DLG2: variants seen among roughly 807,000 people sequenced by gnomAD.
The protein encoded by DLG2 is disks large homolog 2.
Under a neutral mutation model 132.5 loss-of-function variants are expected in DLG2, and 45 were observed. That is an observed-to-expected ratio of 0.34 (90% CI 0.27 to 0.44). The LOEUF (loss-of-function observed/expected upper bound fraction) is 0.44. DLG2 is among the 20% of genes least tolerant of loss of function. DLG2 has a pLI of 1.00. For synonymous variants in DLG2, 424 were observed against 419.6 expected, an observed-to-expected ratio of 1.01 and a Z score of -0.13; for missense variants, 1,045 against 1,196.9, an observed-to-expected ratio of 0.87 and a Z score of 1.87.
At chr11:85,073,001 G>A (rs928134855) in intron 6 of DLG2, among the ~76,000 whole-genome samples, 1 of 151,786 alleles carries the variant, frequency 6.6e-6, no homozygotes, top group African/African-American at 2.4e-5. Flanking sequence ...GAGCTTTTAT[G>A]TGGAATGACA....
chr11:83,520,316 C>A (rs899960551), intron 21 of DLG2, among the ~76,000 whole-genome samples: 26 of 152,270 alleles, frequency 1.7e-4, no homozygotes, highest in African/African-American at 5.8e-4. Flanking sequence ...ATGGAAACTG[C>A]ATTACGGTTA....
At chr11:83,654,603 T>C (rs754074364) in intron 18 of DLG2, among the ~76,000 whole-genome samples, 4 of 152,168 alleles carry the variant, frequency 2.6e-5, no homozygotes, top group Non-Finnish European at 4.4e-5. Context: ...TTTTGATGTA[T>C]TTTGGTTCTA....
intron 3 of DLG2, among the ~76,000 whole-genome samples, chr11:85,310,293 T>C (rs866284365): frequency 6.6e-6 from 1 of 152,136 alleles, no homozygotes; most frequent in Non-Finnish European, 1.5e-5. Context: ...GTGGACAAAA[T>C]ATTGGTCAGG....
chr11:84,704,874 CAT>C (rs1185944403), intron 6 of DLG2, among the ~76,000 whole-genome samples: 4 of 148,924 alleles, frequency 2.7e-5, no homozygotes. Context: ...CACACACACA[CAT>C]ATATATACAC....
intron 19 of DLG2, among the ~76,000 whole-genome samples, chr11:83,620,917 T>C (rs75884129): frequency 0.036 from 5,261 of 145,770 alleles, 348 homozygotes; most frequent in African/African-American, 0.13. Flanking sequence ...GATCTTAGAA[T>C]GATTTAGATC....
chr11:84,947,146 T>A (rs932981260), intron 6 of DLG2, among the ~76,000 whole-genome samples: 11 of 152,176 alleles, frequency 7.2e-5, no homozygotes, highest in African/African-American at 2.4e-4. Context: ...GCTTCCTTCT[T>A]TAGTGTCTCC....
intron 3 of DLG2, among the ~76,000 whole-genome samples, chr11:85,491,516 A>G (rs533468926): frequency 1.2e-4 from 19 of 152,172 alleles, no homozygotes; most frequent in Non-Finnish European, 2.4e-4. Flanking sequence ...AAATAAAAAC[A>G]CTAACCACAT....
At chr11:85,340,054 G>A (rs1477700862) in intron 3 of DLG2, among the ~76,000 whole-genome samples, 2 of 152,298 alleles carry the variant, frequency 1.3e-5, no homozygotes, top group East Asian at 1.9e-4. Flanking sequence ...GTGTAAATTG[G>A]TTCAACCATT....
chr11:85,486,376 G>A (rs2093429394), intron 3 of DLG2, among the ~76,000 whole-genome samples: 1 of 152,184 alleles, frequency 6.6e-6, no homozygotes, highest in Non-Finnish European at 1.5e-5. Context: ...AAAGCCCACA[G>A]GGAACATTCC....
At chr11:84,752,545 C>T (rs2066272126) in intron 6 of DLG2, among the ~76,000 whole-genome samples, 1 of 148,674 alleles carries the variant, frequency 6.7e-6, no homozygotes, top group Admixed American at 6.7e-5. Context: ...AACATGGCTG[C>T]TTCTTTGGTT....
chr11:84,681,862 C>A lies in DLG2; in HGVS notation c.358-147131G>T, dbSNP rs549745988. On this transcript the variant is annotated intron_variant, in intron 6 of 27. Transcript: ENST00000376104. ...AAACAAACCCTCTTTTCTTTGCTGA[C>A]TTTTAGGCCTGACTTTGATGCAGAA... Among the ~76,000 whole-genome samples the A allele has an allele frequency of 1.4e-4, 21 of 151,502 alleles. 1 individual carries two copies. Among genetic ancestry groups the A allele is most frequent in the Admixed American group, 1.1e-3 (16 of 15,208 alleles).
chr11:84,464,251 G>A (rs115562433), intron 7 of DLG2, among the ~76,000 whole-genome samples: 5 of 151,072 alleles, frequency 3.3e-5, no homozygotes, highest in Non-Finnish European at 3.0e-5. Flanking sequence ...TATCAACAGA[G>A]AATAATATGT....
chr11:84,898,968 G>A (rs2090546503), intron 6 of DLG2, among the ~76,000 whole-genome samples: 1 of 152,012 alleles, frequency 6.6e-6, no homozygotes, highest in Non-Finnish European at 1.5e-5. Context: ...CTTGAAAGGT[G>A]AGATTGAATT....
intron 4 of DLG2, among the ~76,000 whole-genome samples, chr11:85,175,908 G>T (rs756847008): frequency 2.0e-5 from 3 of 152,162 alleles, no homozygotes; most frequent in Non-Finnish European, 4.4e-5. Flanking sequence ...GCTAACAAAT[G>T]AAGTGAAGAG....
At chr11:85,133,312 T>C (rs1456307790) in intron 5 of DLG2, among the ~76,000 whole-genome samples, 2 of 151,690 alleles carry the variant, frequency 1.3e-5, no homozygotes, top group African/African-American at 4.9e-5. Context: ...CAAATGGCTG[T>C]CGTTCCAGTG....
intron 6 of DLG2, among the ~76,000 whole-genome samples, chr11:84,875,219 A>G (rs1402449255): frequency 6.6e-6 from 1 of 152,170 alleles, no homozygotes; most frequent in Non-Finnish European, 1.5e-5. Flanking sequence ...CATTGGTTTA[A>G]TACTTTTGTA....
chr11:84,719,770 G>A (rs948261035), intron 6 of DLG2, among the ~76,000 whole-genome samples: 1 of 152,106 alleles, frequency 6.6e-6, no homozygotes, highest in Non-Finnish European at 1.5e-5. Flanking sequence ...TGTATAAAAG[G>A]GAAAAGCATG....
intron 6 of DLG2, among the ~76,000 whole-genome samples, chr11:84,779,084 A>C (rs2071219108): frequency 6.6e-6 from 1 of 152,110 alleles, no homozygotes; most frequent in African/African-American, 2.4e-5. Flanking sequence ...CTGAGCCACT[A>C]CTGGCTTCCT....
At chr11:85,272,695 G>T (rs992891814) in intron 4 of DLG2, among the ~76,000 whole-genome samples, 12 of 152,116 alleles carry the variant, frequency 7.9e-5, no homozygotes, top group Admixed American at 3.3e-4. Flanking sequence ...GTTATTTATA[G>T]ATTCAATGCC....
Sources: gnomAD v4.1 joint callset for allele counts (sites outside exome capture counted in the v4.1 genomes callset) on GRCh38, gnomAD v4.1.1 for gene constraint, MANE v1.5 for transcripts, NCBI Gene and HGNC (gene_info 2026-07-23, HGNC 2026-07-21) for gene names.